FAAH2: variants seen among roughly 807,000 people sequenced by gnomAD.
FAAH2 encodes fatty-acid amide hydrolase 2.
FAAH2 carries 60 observed loss-of-function variants against 36.9 expected under a neutral mutation model. The observed-to-expected ratio is 1.63, with a 90% confidence interval of 1.32 to 2.02. The LOEUF (loss-of-function observed/expected upper bound fraction) is 2.02, where lower values mean the gene tolerates loss of function less well. Ranked by LOEUF, FAAH2 falls within the 30% of genes most tolerant of loss-of-function variation. FAAH2 has a pLI of 0.00. For missense variants in FAAH2, 689 were observed against 397.5 expected (o/e 1.73, Z -6.23); for synonymous variants, 214 against 143.8 (o/e 1.49, Z -3.49).
chrX:57,408,796 G>A (rs1024954295), intron 7 of FAAH2, among the ~76,000 whole-genome samples: 1 of 111,158 alleles, frequency 9.0e-6, no homozygotes, highest in Non-Finnish European at 1.9e-5. Flanking sequence ...CTTGTCAAGT[G>A]TATTTTTCTT....
chrX:57,395,320 C>T, intron 7 of FAAH2: 1 of 659,902 alleles, frequency 1.5e-6, no homozygotes, highest in Non-Finnish European at 2.5e-6. Context: ...AAACCAGGTA[C>T]TTGTCCTTCA....
the FAAH2 span, among the ~76,000 whole-genome samples, chrX:57,203,729 C>T: frequency 8.0e-5 from 9 of 112,281 alleles, no homozygotes; most frequent in South Asian, 3.4e-3. Flanking sequence ...CCATCTGCAG[C>T]TCCTTTAAGC....
At chrX:57,267,680 C>G in the FAAH2 span, among the ~76,000 whole-genome samples, 1 of 111,961 alleles carries the variant, frequency 8.9e-6, no homozygotes, top group Non-Finnish European at 1.9e-5. Flanking sequence ...AGCCAGAGAA[C>G]AAAGGGCCCA....
chrX:57,437,718 T>TTTATATA (rs1375996741), intron 8 of FAAH2, among the ~76,000 whole-genome samples: 8 of 83,605 alleles, frequency 9.6e-5, no homozygotes, highest in African/African-American at 3.8e-4. Flanking sequence ...ATATAACATA[T>TTTATATA]TTATATATTA....
chrX:57,366,651 G>A (rs1185158915), intron 5 of FAAH2, among the ~76,000 whole-genome samples: 1 of 112,359 alleles, frequency 8.9e-6, no homozygotes, highest in Non-Finnish European at 1.9e-5. Flanking sequence ...GAAGGCTGTG[G>A]GTGGTCATGT....
intron 7 of FAAH2, among the ~76,000 whole-genome samples, chrX:57,428,807 A>C (rs1284955062): frequency 8.9e-6 from 1 of 112,168 alleles, no homozygotes; most frequent in Non-Finnish European, 1.9e-5. Context: ...AGGGAAAACT[A>C]TTCTGAACAT....
At chrX:57,239,301 T>C in the FAAH2 span, among the ~76,000 whole-genome samples, 2 of 111,412 alleles carry the variant, frequency 1.8e-5, no homozygotes, top group Non-Finnish European at 3.8e-5. Flanking sequence ...TATTTCTCAT[T>C]TGTTTATGAA....
At position 57,341,511 on chromosome X, in the gene FAAH2, T is replaced by G. The variant is rs958505494; in HGVS notation, c.742+121T>G. ...ATTATTATATATTTCTCAATGTTCT[T>G]AAATAAAACTAGCTACTGTTTATTG... is the stretch of plus-strand genomic sequence containing the variant. On this transcript the variant is annotated intron_variant, in intron 5 of 10. Transcript: ENST00000374900. 3.7e-6 allele frequency: 3 copies of G among 819,557 alleles called. No homozygotes were observed. In the African/African-American group the frequency reaches 6.3e-5, roughly 17 times the overall value. 67.5% of individuals were successfully genotyped at this position (819,557 alleles called of 1,213,427 possible).
chrX:57,218,746 A>G, the FAAH2 span, among the ~76,000 whole-genome samples: 2 of 111,994 alleles, frequency 1.8e-5, no homozygotes, highest in Non-Finnish European at 3.8e-5. Context: ...TTCTCTATAT[A>G]TCTTGTGGAA....
At chrX:57,258,709 C>T in the FAAH2 span, among the ~76,000 whole-genome samples, 2 of 87,858 alleles carry the variant, frequency 2.3e-5, no homozygotes, top group East Asian at 3.4e-4. Flanking sequence ...TTTTTGTTGC[C>T]TTTTTTTTTT....
At chrX:57,132,404 T>C in the FAAH2 span, among the ~76,000 whole-genome samples, 1 of 112,355 alleles carries the variant, frequency 8.9e-6, no homozygotes, top group Non-Finnish European at 1.9e-5. Flanking sequence ...AATCTAGGCG[T>C]TGAGTATAGA....
chrX:57,301,484 G>T (rs1443556309), intron 2 of FAAH2, among the ~76,000 whole-genome samples: 1 of 103,662 alleles, frequency 9.6e-6, no homozygotes, highest in African/African-American at 3.5e-5. Flanking sequence ...AGGGGGGATG[G>T]ATAGCATTAG....
At chrX:57,219,393 A>G in the FAAH2 span, among the ~76,000 whole-genome samples, 1 of 111,771 alleles carries the variant, frequency 8.9e-6, no homozygotes, top group Non-Finnish European at 1.9e-5. Flanking sequence ...TCCACCCCAA[A>G]GAGCAGGCCA....
intron 8 of FAAH2, among the ~76,000 whole-genome samples, chrX:57,434,045 A>C (rs750713333): frequency 9.0e-6 from 1 of 111,152 alleles, no homozygotes; most frequent in Non-Finnish European, 1.9e-5. Flanking sequence ...AGGAAATCAA[A>C]ATATTGACTT....
At chrX:57,365,473 C>G (rs767255958) in intron 5 of FAAH2, among the ~76,000 whole-genome samples, 34 of 111,726 alleles carry the variant, frequency 3.0e-4, no homozygotes, top group Non-Finnish European at 6.2e-4. Context: ...CTCCTTCTCT[C>G]TAGCTGCCAT....
the FAAH2 span, among the ~76,000 whole-genome samples, chrX:57,225,623 G>C: frequency 9.0e-6 from 1 of 111,687 alleles, no homozygotes; most frequent in East Asian, 2.8e-4. Context: ...GCAGTTGTTG[G>C]ATGAAATGCT....
the FAAH2 span, among the ~76,000 whole-genome samples, chrX:57,163,055 C>G: frequency 4.6e-3 from 515 of 111,972 alleles, 3 homozygotes; most frequent in African/African-American, 0.016. Context: ...GATGTCCTTT[C>G]TGTTTGTTAG....
intron 8 of FAAH2, among the ~76,000 whole-genome samples, chrX:57,445,819 A>G (rs1183442173): frequency 8.9e-6 from 1 of 112,458 alleles, no homozygotes; most frequent in Non-Finnish European, 1.9e-5. Flanking sequence ...TGGCCACCAC[A>G]GCTGATGTTG....
At chrX:57,419,774 T>A (rs896633206) in intron 7 of FAAH2, among the ~76,000 whole-genome samples, 19 of 112,046 alleles carry the variant, frequency 1.7e-4, no homozygotes, top group African/African-American at 6.2e-4. Context: ...TTTGGTGTTT[T>A]AGACATGAAG....
Sources: allele counts gnomAD v4.1 joint callset (sites outside exome capture counted in the v4.1 genomes callset), GRCh38; gene constraint gnomAD v4.1.1; transcripts MANE v1.5; gene names NCBI Gene and HGNC (gene_info 2026-07-23, HGNC 2026-07-21).